The following PSMD14 variants were observed in gnomAD, a reference collection of about 807,000 sequenced individuals.
PSMD14 encodes proteasome 26S subunit, non-ATPase 14, also known as ubiquitin C-terminal hydrolase PSMD14.
Under a neutral mutation model 41.2 loss-of-function variants are expected in PSMD14, and 7 were observed. That is an observed-to-expected ratio of 0.17 (90% CI 0.10 to 0.32). The LOEUF is 0.32. PSMD14 is among the 10% of genes least tolerant of loss of function. PSMD14 has a pLI of 1.00. For missense variants in PSMD14, 139 were observed against 375.6 expected, an observed-to-expected ratio of 0.37 and a Z score of 5.21; for synonymous variants, 114 against 122.3, an observed-to-expected ratio of 0.93 and a Z score of 0.45.
chr2:161,408,303 A>G lies in PSMD14; in HGVS notation c.772-534A>G, dbSNP rs192150797. On this transcript the variant is annotated intron_variant, in intron 10 of 11. Transcript: ENST00000409682. Reference sequence around the variant, plus strand: ...GAGATGTAAAGATGTGAAATTACTAAGAGAGAAACCCATGTGATTTGTTTA... The same window carrying G: ...GAGATGTAAAGATGTGAAATTACTAGGAGAGAAACCCATGTGATTTGTTTA... 573 of 153,498 alleles carry G rather than the reference A, an allele frequency of 3.7e-3. 1 individual carries two copies. Among genetic ancestry groups the G allele is most frequent in the Non-Finnish European group, 6.7e-3 (459 of 68,762 alleles). 9.5% of individuals were successfully genotyped at this position (153,498 alleles called of 1,614,324 possible).
chr2:161,345,345 C>T (rs774039866), intron 3 of PSMD14, among the ~76,000 whole-genome samples: 1 of 149,404 alleles, frequency 6.7e-6, no homozygotes, highest in Non-Finnish European at 1.5e-5. Context: ...TGGGCTCAAG[C>T]GATCCTCCCA....
intron 11 of PSMD14, 116 bp downstream of exon 11, chr2:161,409,015 C>T (rs1209887685): frequency 2.8e-6 from 2 of 726,230 alleles, no homozygotes; most frequent in Admixed American, 2.9e-5. Flanking sequence ...TTTCTTCTGT[C>T]ATGTAAATGT....
At chr2:161,327,867 A>T (rs1682722500) in intron 3 of PSMD14, among the ~76,000 whole-genome samples, 1 of 149,732 alleles carries the variant, frequency 6.7e-6, no homozygotes. Context: ...TAAAACAACT[A>T]TTAGATTAGT....
intron 7 of PSMD14, among the ~76,000 whole-genome samples, chr2:161,380,833 T>A (rs1017560616): frequency 2.6e-5 from 4 of 152,004 alleles, no homozygotes; most frequent in African/African-American, 9.7e-5. Context: ...CTCTTATAGA[T>A]GTCTGGCAGT....
intron 7 of PSMD14, chr2:161,382,647 A>G (rs1372989732): frequency 6.6e-6 from 1 of 151,768 alleles, no homozygotes; most frequent in Admixed American, 6.6e-5. Flanking sequence ...CATGGAAAGG[A>G]ATTTTTCAAA....
chr2:161,311,656 A>C (rs1218768460), intron 1 of PSMD14, among the ~76,000 whole-genome samples: 2 of 140,196 alleles, frequency 1.4e-5, no homozygotes, highest in East Asian at 4.2e-4. Flanking sequence ...TTTTGAGATG[A>C]AACCTTGCTC....
At chr2:161,393,573 A>T (rs542221251) in intron 9 of PSMD14, among the ~76,000 whole-genome samples, 14 of 152,334 alleles carry the variant, frequency 9.2e-5, no homozygotes, top group African/African-American at 3.4e-4. Flanking sequence ...CTTCTAAGCA[A>T]GTAGGATAAT....
intron 3 of PSMD14, among the ~76,000 whole-genome samples, chr2:161,333,144 A>G (rs529265482): frequency 6.6e-6 from 1 of 152,370 alleles, no homozygotes; most frequent in Non-Finnish European, 1.5e-5. Flanking sequence ...ATAATAGCAT[A>G]GAAATATAAA....
intron 3 of PSMD14, among the ~76,000 whole-genome samples, chr2:161,330,864 T>G (rs1396491753): frequency 6.6e-6 from 1 of 152,198 alleles, no homozygotes; most frequent in Non-Finnish European, 1.5e-5. Flanking sequence ...TCTTACTCAT[T>G]GTACATTTTC....
chr2:161,352,088 G>C (rs1173347782), intron 3 of PSMD14, among the ~76,000 whole-genome samples: 9 of 152,184 alleles, frequency 5.9e-5, no homozygotes, highest in Non-Finnish European at 1.3e-4. Flanking sequence ...TGCATTTGGT[G>C]ATTGGCTCAA....
chr2:161,338,323 GTA>G (rs1393708854), intron 3 of PSMD14, among the ~76,000 whole-genome samples: 3 of 146,416 alleles, frequency 2.0e-5, no homozygotes, highest in Non-Finnish European at 4.5e-5. Context: ...CAGTTATATT[GTA>G]GGTAGGGTTA....
chr2:161,357,836 G>C (rs537577076), intron 3 of PSMD14, among the ~76,000 whole-genome samples: 1 of 150,976 alleles, frequency 6.6e-6, no homozygotes. Context: ...TATTCTAATA[G>C]GTATTATTAA....
At chr2:161,387,533 C>T (rs983377285) in intron 8 of PSMD14, among the ~76,000 whole-genome samples, 2 of 151,866 alleles carry the variant, frequency 1.3e-5, no homozygotes, top group Non-Finnish European at 1.5e-5. Context: ...TTTTTTTACT[C>T]TTATACTTAG....
In PSMD14 at chr2:161,340,764, T is replaced by C. The variant is rs538556465; in HGVS notation, c.48+21891T>C. The C allele has an allele frequency of 6.6e-5, 106 of 1,611,956 alleles. No homozygotes were observed. In the African/African-American group the frequency reaches 1.3e-3, roughly 19 times the overall value. On this transcript the variant is annotated intron_variant, in intron 3 of 11. Transcript: ENST00000409682. ...GGTTTCCATTTTATCTCTCAAGCTT[T>C]TAAGATGCCAAAAGGAAAAGCCTTT...
intron 1 of PSMD14, among the ~76,000 whole-genome samples, chr2:161,310,289 T>C (rs1689073863): frequency 6.6e-6 from 1 of 152,248 alleles, no homozygotes; most frequent in African/African-American, 2.4e-5. Context: ...TTATTGCTGT[T>C]GTTATTGTTA....
chr2:161,391,181 A>T lies in PSMD14; in HGVS notation c.645+3A>T. 1 of 1,514,848 alleles carries T rather than the reference A, an allele frequency of 6.6e-7. No individual in the cohort carries two copies. The highest frequency in any genetic ancestry group is 8.9e-7 in the Non-Finnish European group (1 of 1,129,564). The allele number at this position is 1,514,848 out of a possible 1,614,324, so 93.8% of individuals were successfully genotyped here. On this transcript the variant is annotated splice_donor_region_variant and intron_variant, in intron 9 of 11. Transcript: ENST00000409682. ...GGAAAAATGAACTGGAACAGAAGGT[A>T]AGTTTAAATTTTTATCTTATAGGAG...
intron 3 of PSMD14, among the ~76,000 whole-genome samples, chr2:161,320,678 TAA>T (rs1338504796): frequency 6.6e-6 from 1 of 152,034 alleles, no homozygotes; most frequent in Non-Finnish European, 1.5e-5. Flanking sequence ...CATGAAACGT[TAA>T]GTGTATTTTT....
chr2:161,333,668 C>A (rs1236102696), intron 3 of PSMD14, among the ~76,000 whole-genome samples: 2 of 152,194 alleles, frequency 1.3e-5, no homozygotes, highest in Non-Finnish European at 2.9e-5. Flanking sequence ...AATTTAGCAT[C>A]ATTCCCAGAC....
chr2:161,358,838 G>C (rs1683245306), intron 3 of PSMD14, among the ~76,000 whole-genome samples: 1 of 152,180 alleles, frequency 6.6e-6, no homozygotes. Context: ...CTACTTGGGA[G>C]GCTGAGGCAA....
Sources: gnomAD v4.1 joint callset for allele counts (sites outside exome capture counted in the v4.1 genomes callset) on GRCh38, gnomAD v4.1.1 for gene constraint, MANE v1.5 for transcripts, NCBI Gene and HGNC (gene_info 2026-07-23, HGNC 2026-07-21) for gene names.